CCNT2: variants seen among roughly 807,000 people sequenced by gnomAD.
CCNT2 encodes cyclin T2.
A neutral mutation model predicts 70.0 loss-of-function variants in CCNT2; 18 were observed. The ratio of observed to expected loss-of-function variants is 0.26; its 90% CI spans 0.18 to 0.38. The LOEUF (loss-of-function observed/expected upper bound fraction) is 0.38. Ranked by LOEUF, CCNT2 falls within the 10% of genes least tolerant of loss-of-function variation. The pLI is 1.00. For synonymous variants in CCNT2, 334 were observed against 313.3 expected (o/e 1.07, Z -0.70); for missense variants, 734 against 890.2 (o/e 0.82, Z 2.23).
intron 2 of CCNT2, among the ~76,000 whole-genome samples, chr2:134,924,488 C>T (rs1044274661): frequency 6.6e-6 from 1 of 152,112 alleles, no homozygotes; most frequent in African/African-American, 2.4e-5. Context: ...CTGGTCTTGT[C>T]GCCCAGGCTG....
At chr2:134,923,057 G>A (rs1281580009) in intron 2 of CCNT2, among the ~76,000 whole-genome samples, 1 of 152,146 alleles carries the variant, frequency 6.6e-6, no homozygotes, top group Non-Finnish European at 1.5e-5. Flanking sequence ...GAAGTGGGCG[G>A]ATCCCTTGAG....
At chr2:134,951,289 G>T (rs1357729481) in intron 7 of CCNT2, among the ~76,000 whole-genome samples, 5 of 152,106 alleles carry the variant, frequency 3.3e-5, no homozygotes, top group Non-Finnish European at 7.4e-5. Context: ...ATTAATAGAG[G>T]TTCCCCCAGT....
chr2:134,934,243 T>A (rs1680992858), intron 2 of CCNT2, among the ~76,000 whole-genome samples: 2 of 152,162 alleles, frequency 1.3e-5, no homozygotes, highest in Non-Finnish European at 2.9e-5. Flanking sequence ...TTAAACTAGG[T>A]CCAAAATACA....
chr2:134,922,234 C>T (rs560573694), intron 2 of CCNT2, among the ~76,000 whole-genome samples: 11 of 152,232 alleles, frequency 7.2e-5, no homozygotes, highest in Non-Finnish European at 1.5e-4. Context: ...CAAATTAAAC[C>T]CTATGAAATA....
At chr2:134,948,019 C>A in intron 7 of CCNT2, 120 bp downstream of exon 7, 3 of 526,738 alleles carry the variant, frequency 5.7e-6, no homozygotes, top group Admixed American at 3.7e-5. Context: ...AATTCATCAG[C>A]CTAAAGAAAA....
chr2:134,953,691 T>C lies in CCNT2; in HGVS notation c.1236T>C (p.His412=), dbSNP rs1446167421. The change falls in exon 9 of 9, where the codon CAT becomes CAC. Residue 412 remains histidine, a synonymous_variant. Transcript: ENST00000264157. ...CTTCTGTTAAGCAAGAATATACTCA[T>C]AAAGCAGGGAGCAGTAAACACCATG... ...DHSSVKQEYT[H]KAGSSKHHGP... is the part of the protein sequence containing the mutation. 6.2e-7 allele frequency: 1 copy of C among 1,613,924 alleles called. No individual in the cohort carries two copies. Among genetic ancestry groups the C allele is most frequent in the Non-Finnish European group, 8.5e-7 (1 of 1,179,812 alleles).
chr2:134,931,108 G>T (rs1431533902), intron 2 of CCNT2, among the ~76,000 whole-genome samples: 1 of 151,586 alleles, frequency 6.6e-6, no homozygotes, highest in African/African-American at 2.4e-5. Context: ...GACTACAGGT[G>T]CCTGCCGCCA....
chr2:134,938,919 T>C (rs1175575475), intron 3 of CCNT2, 83 bp from the exon 4 acceptor site: 2 of 838,430 alleles, frequency 2.4e-6, no homozygotes, highest in Non-Finnish European at 3.9e-6. Context: ...AATCAACCTG[T>C]AATTCTCACA....
At position 134,926,084 on chromosome 2, in the gene CCNT2, T is replaced by C. The variant is rs558276486; in HGVS notation, c.240+6193T>C. On this transcript the variant is annotated intron_variant, in intron 2 of 8. Coordinates refer to ENST00000264157, the MANE Select transcript of CCNT2 (RefSeq NM_058241.3). The stretch of plus-strand genomic sequence containing the variant: ...TCTCACCATGTTGCCCAGGCCGTTC[T>C]TAAACCCCTGGACTCAAGCAGTCCT... Among the ~76,000 whole-genome samples, 11 of 152,188 alleles carry C rather than the reference T, an allele frequency of 7.2e-5. No homozygotes were observed. The East Asian group carries it at 2.1e-3, about 29-fold the overall frequency.
At position 134,956,069 on chromosome 2, in the gene CCNT2, A is replaced by T. The variant is rs1195226863; in HGVS notation, c.*1421A>T. ...TAATATGGCTCTTGTTTATCAGCTA[A>T]TCTTGAATTTATTCTGTGGTAAATC... is the stretch of plus-strand genomic sequence containing the variant. On this transcript the variant is annotated 3_prime_UTR_variant, in exon 9 of 9. Transcript: ENST00000264157. 1 of 152,632 alleles carries T rather than the reference A, an allele frequency of 6.6e-6. No homozygotes were observed. Among genetic ancestry groups the T allele is most frequent in the African/African-American group, 2.4e-5 (1 of 41,456 alleles). The allele number at this position is 152,632 out of a possible 1,614,324, so 9.5% of individuals were successfully genotyped here.
chr2:134,955,749 T>C lies in CCNT2; in HGVS notation c.*1101T>C, dbSNP rs188933185. On this transcript the variant is annotated 3_prime_UTR_variant, in exon 9 of 9. Transcript: ENST00000264157. Reference sequence around the variant, plus strand: ...ATGCCATATTTCTTTTTCAGGTAAATGTAGTCTTCCTTATAAAAATGAAAT... The same window carrying C: ...ATGCCATATTTCTTTTTCAGGTAAACGTAGTCTTCCTTATAAAAATGAAAT... The C allele has an allele frequency of 8.4e-4, 128 of 152,744 alleles. No homozygotes were observed. Among genetic ancestry groups the C allele is most frequent in the African/African-American group, 3.0e-3 (125 of 41,578 alleles). The allele number at this position is 152,744 out of a possible 1,614,324, so 9.5% of individuals were successfully genotyped here.
chr2:134,940,353 T>C (rs200203511), intron 4 of CCNT2, among the ~76,000 whole-genome samples: 2 of 102,422 alleles, frequency 2.0e-5, no homozygotes, highest in Admixed American at 1.1e-4. Context: ...CCTAGAAATA[T>C]TGAAAAAATT....
At chr2:134,952,923 A>G (rs1454139023) in intron 8 of CCNT2, 1 of 497,472 alleles carries the variant, frequency 2.0e-6, no homozygotes, top group Non-Finnish European at 3.5e-6. Flanking sequence ...TGCAGTGATT[A>G]TGACAAAAGT....
chr2:134,934,475 G>A (rs1362130518), intron 2 of CCNT2, among the ~76,000 whole-genome samples: 1 of 152,182 alleles, frequency 6.6e-6, no homozygotes, highest in African/African-American at 2.4e-5. Flanking sequence ...AAAACATTTG[G>A]AATTCTTTTA....
In CCNT2 at chr2:134,942,688, G is replaced by C. The variant is rs777408501; in HGVS notation, c.493+14G>C. The C allele has an allele frequency of 6.3e-7, 1 of 1,599,588 alleles. No individual in the cohort carries two copies. Among genetic ancestry groups the C allele is most frequent in the Non-Finnish European group, 8.5e-7 (1 of 1,171,456 alleles). The stretch of plus-strand genomic sequence containing the variant: ...AGTTAGTAAGAGGTAGGTGATCCTT[G>C]AAACTTTTAAGATAAGTATTAATGC... On this transcript the variant is annotated intron_variant, in intron 5 of 8. Coordinates refer to ENST00000264157, the MANE Select transcript of CCNT2 (RefSeq NM_058241.3).
chr2:134,930,723 T>G (rs1289937079), intron 2 of CCNT2, among the ~76,000 whole-genome samples: 3 of 152,096 alleles, frequency 2.0e-5, no homozygotes, highest in Non-Finnish European at 4.4e-5. Context: ...TGAAATGATA[T>G]CCCCTATTCT....
rs1683057870 is a variant in CCNT2 at position 134,958,780 on chromosome 2, G to A, written c.*4132G>A. 6.6e-6 allele frequency: 1 copy of A among 152,192 alleles called. No individual in the cohort carries two copies. Among genetic ancestry groups the A allele is most frequent in the Non-Finnish European group, 1.5e-5 (1 of 68,032 alleles). The allele number at this position is 152,192 out of a possible 1,614,324, so 9.4% of individuals were successfully genotyped here. A position where few individuals can be genotyped will look rare whatever the true frequency, so the allele number is the denominator to read the frequency against. On this transcript the variant is annotated 3_prime_UTR_variant, in exon 9 of 9. Transcript: ENST00000264157. ...ATACATTAATTTTCTGCTCTGCAGT[G>A]TCAATTTGGGCACAGCCAGTTTTTA...
chr2:134,919,340 G>C (rs547655957), intron 1 of CCNT2, among the ~76,000 whole-genome samples: 8 of 152,206 alleles, frequency 5.3e-5, no homozygotes, highest in Non-Finnish European at 8.8e-5. Flanking sequence ...CCCTGGACTT[G>C]TCCCTGACCC....
chr2:134,918,867 C>G lies in CCNT2; in HGVS notation c.13C>G (p.Arg5Gly), dbSNP rs1391255178. 1.2e-6 allele frequency: 2 copies of G among 1,613,408 alleles called. No individual in the cohort carries two copies. Among genetic ancestry groups the G allele is most frequent in the Non-Finnish European group, 1.7e-6 (2 of 1,179,612 alleles). The part of the protein sequence containing the change: MASG[R>G]GASSRWFFTR... The stretch of plus-strand genomic sequence containing the variant: ...AGGAGGAAGTGTCATGGCGTCGGGC[C>G]GTGGAGCTTCTTCTCGCTGGTTCTT... The change falls in exon 1 of 9, where the codon CGT (arginine) becomes GGT (glycine). Residue 5 changes from arginine (R) to glycine (G), a missense_variant. By Grantham distance (125) the Arg-to-Gly change is moderately radical (BLOSUM62 -2). Around this residue, in one of 3 missense-constraint regions of CCNT2, gnomAD observed 41 missense variants for 29.5 expected, o/e 1.39. Coordinates refer to ENST00000264157, the MANE Select transcript of CCNT2 (RefSeq NM_058241.3).
Sources: gnomAD v4.1 joint callset for allele counts (sites outside exome capture counted in the v4.1 genomes callset) on GRCh38, gnomAD v4.1.1 for gene constraint, gnomAD v4.1.1 regional missense constraint, MANE v1.5 for transcripts, NCBI Gene and HGNC (gene_info 2026-07-23, HGNC 2026-07-21) for gene names.